Variants in PLA2G1B observed in about 807,000 individuals in gnomAD.
The protein encoded by PLA2G1B is phospholipase A2.
PLA2G1B carries 12 observed loss-of-function variants against 12.5 expected under a neutral mutation model. That is an observed-to-expected ratio of 0.96 (90% CI 0.62 to 1.56). The LOEUF is 1.56. Among genes scored for constraint, PLA2G1B ranks in the 40% most tolerant of loss-of-function variants. The probability of loss-of-function intolerance (pLI) is 0.00; values close to 1 mark genes in which losing one functional copy is unlikely to be tolerated. For synonymous variants in PLA2G1B, 81 were observed against 73.4 expected, an observed-to-expected ratio of 1.10 and a Z score of -0.53; for missense variants, 189 against 186.7, an observed-to-expected ratio of 1.01 and a Z score of -0.07.
At chr12:120,322,960 GA>G (rs1873267238) in intron 3 of PLA2G1B, among the ~76,000 whole-genome samples, 1 of 152,074 alleles carries the variant, frequency 6.6e-6, no homozygotes, top group East Asian at 1.9e-4. Flanking sequence ...TAGACATTTA[GA>G]AAAATTAGGT....
At chr12:120,324,419 A>C (rs574266599) in intron 3 of PLA2G1B, among the ~76,000 whole-genome samples, 91 of 152,294 alleles carry the variant, frequency 6.0e-4, no homozygotes, top group South Asian at 1.7e-3. Context: ...TAATCCCAGC[A>C]CTTTGGGATG....
intron 3 of PLA2G1B, among the ~76,000 whole-genome samples, chr12:120,322,963 A>C (rs1873267304): frequency 6.6e-6 from 1 of 152,206 alleles, no homozygotes; most frequent in African/African-American, 2.4e-5. Flanking sequence ...ACATTTAGAA[A>C]AATTAGGTAT....
At chr12:120,326,947 G>A (rs1173852389) in intron 1 of PLA2G1B, among the ~76,000 whole-genome samples, 1 of 151,122 alleles carries the variant, frequency 6.6e-6, no homozygotes, top group East Asian at 1.9e-4. Context: ...CTCCAGCCTT[G>A]GCGACAAAGC....
intron 1 of PLA2G1B, 48 bp from the exon 2 acceptor site, chr12:120,326,068 G>T (rs757548052): frequency 8.8e-6 from 14 of 1,596,696 alleles, no homozygotes; most frequent in African/African-American, 1.3e-5. Flanking sequence ...CAGCACCCCG[G>T]GGACACACTG....
chr12:120,327,151 G>A (rs1873367782), intron 1 of PLA2G1B, among the ~76,000 whole-genome samples: 1 of 151,878 alleles, frequency 6.6e-6, no homozygotes, highest in South Asian at 2.1e-4. Context: ...ATGGTGGTGT[G>A]TGCCAGCTAC....
rs527664690 is a variant in PLA2G1B, at chr12:120,324,932, A to G, written c.322+2T>C. 7 of 1,614,108 alleles carry G rather than the reference A, an allele frequency of 4.3e-6. No homozygotes were observed. The South Asian group carries it at 7.7e-5, about 18-fold the overall frequency. ...CATAGGTCAAGGAAGGGATAAACCT[A>G]CTGCTACAGGTGATTGCCGAGCCAG... is the stretch of plus-strand genomic sequence containing the variant. On this transcript the variant is annotated splice_donor_variant, in intron 3 of 3. Coordinates refer to ENST00000308366, the MANE Select transcript of PLA2G1B (RefSeq NM_000928.3). LOFTEE classifies it high-confidence loss of function.
chr12:120,327,161 C>T (rs925428950), intron 1 of PLA2G1B, among the ~76,000 whole-genome samples: 2 of 151,564 alleles, frequency 1.3e-5, no homozygotes, highest in Non-Finnish European at 2.9e-5. Flanking sequence ...GTGCCAGCTA[C>T]TTGAGAGCTA....
intron 3 of PLA2G1B, among the ~76,000 whole-genome samples, chr12:120,324,353 T>C (rs370182205): frequency 7.2e-4 from 110 of 152,114 alleles, no homozygotes; most frequent in African/African-American, 2.5e-3. Flanking sequence ...TCTTACATTC[T>C]ATTGGAAAGA....
At chr12:120,327,123 A>C (rs1873367183) in intron 1 of PLA2G1B, among the ~76,000 whole-genome samples, 1 of 151,688 alleles carries the variant, frequency 6.6e-6, no homozygotes, top group East Asian at 1.9e-4. Context: ...AAAAAAACAC[A>C]CAAAAAATTA....
In PLA2G1B at chr12:120,326,267, T is replaced by TTTC. The variant is rs1216536277; in HGVS notation, c.35-250_35-248dup. Reference sequence around the variant, plus strand: ...GTATATATATATATATCTTCTTCTTTTTCTTCTTCTTCTTCTTCTGGGACC... The same window carrying TTTC: ...GTATATATATATATATCTTCTTCTTTTTCTTCTTCTTCTTCTTCTTCTGGGACC... On this transcript the variant is annotated intron_variant, in intron 1 of 3. Transcript: ENST00000308366. Among the ~76,000 whole-genome samples, 6 of 149,172 alleles carry TTTC rather than the reference T, an allele frequency of 4.0e-5. No individual in the cohort carries two copies. The South Asian group carries it at 6.3e-4, about 16-fold the overall frequency.
rs368190336 is a variant in PLA2G1B, at chr12:120,323,651, AGT to A, written c.322+1281_322+1282del. 2.2e-3 allele frequency among the ~76,000 whole-genome samples: 323 copies of A among 150,210 alleles called. 2 individuals are homozygous for A. The highest frequency in any genetic ancestry group is 3.3e-3 in the Non-Finnish European group (225 of 67,322). On this transcript the variant is annotated intron_variant, in intron 3 of 3. Transcript: ENST00000308366. ...AAACATTAAAAAAAAACTGTGTGTGAGTGTGTGTGTGTGTGTGTATTTCTCTG... is the reference window on the plus strand; with the variant it reads ...AAACATTAAAAAAAAACTGTGTGTGAGTGTGTGTGTGTGTGTATTTCTCTG...
intron 1 of PLA2G1B, 86 bp from the exon 2 acceptor site, chr12:120,326,106 G>T: frequency 6.9e-7 from 1 of 1,446,678 alleles, no homozygotes; most frequent in Non-Finnish European, 9.5e-7. Context: ...GTCCCACGCT[G>T]CCTCCCTGAC....
intron 3 of PLA2G1B, among the ~76,000 whole-genome samples, chr12:120,324,602 A>T (rs529806256): frequency 6.6e-6 from 1 of 152,256 alleles, no homozygotes; most frequent in South Asian, 2.1e-4. Context: ...CAGGAGGTTG[A>T]GGCTGCAGTG....
chr12:120,323,187 A>C (rs1282247099), intron 3 of PLA2G1B, among the ~76,000 whole-genome samples: 1 of 152,200 alleles, frequency 6.6e-6, no homozygotes, highest in Non-Finnish European at 1.5e-5. Flanking sequence ...AATGCATTTA[A>C]ACTTTATTAC....
At chr12:120,322,393 T>C in intron 3 of PLA2G1B, 76 bp from the exon 4 acceptor site, 2 of 1,383,090 alleles carry the variant, frequency 1.4e-6, no homozygotes, top group South Asian at 1.3e-5. Flanking sequence ...AAGAATTAAC[T>C]GGAATAAGCT....
At chr12:120,322,940 G>A (rs1473365836) in intron 3 of PLA2G1B, among the ~76,000 whole-genome samples, 1 of 152,032 alleles carries the variant, frequency 6.6e-6, no homozygotes, top group Non-Finnish European at 1.5e-5. Flanking sequence ...TCCTTAAATG[G>A]AATACTACAT....
intron 1 of PLA2G1B, among the ~76,000 whole-genome samples, chr12:120,326,338 C>T (rs1055261275): frequency 4.9e-5 from 7 of 141,540 alleles, no homozygotes; most frequent in African/African-American, 1.9e-4. Flanking sequence ...CCAGCTAGGC[C>T]TGATAGTTTT....
intron 1 of PLA2G1B, among the ~76,000 whole-genome samples, chr12:120,326,344 GTTTT>G (rs35592348): frequency 7.8e-6 from 1 of 127,572 alleles, no homozygotes; most frequent in Non-Finnish European, 1.6e-5. Context: ...AGGCCTGATA[GTTTT>G]TTTTTTTTTT....
intron 1 of PLA2G1B, among the ~76,000 whole-genome samples, chr12:120,326,811 A>G (rs996687999): frequency 1.3e-5 from 2 of 151,888 alleles, no homozygotes; most frequent in Non-Finnish European, 2.9e-5. Context: ...TTTATTAAAA[A>G]TACAAAAAAA....
Sources: allele counts gnomAD v4.1 joint callset (sites outside exome capture counted in the v4.1 genomes callset), GRCh38; gene constraint gnomAD v4.1.1; transcripts MANE v1.5; gene names NCBI Gene and HGNC (gene_info 2026-07-23, HGNC 2026-07-21).